The following KAT6A variants were observed in gnomAD, a reference collection of about 807,000 sequenced individuals.
KAT6A encodes histone acetyltransferase KAT6A.
A neutral mutation model predicts 198.4 loss-of-function variants in KAT6A; 9 were observed. The ratio of observed to expected loss-of-function variants is 0.05; its 90% CI spans 0.03 to 0.08. KAT6A has a LOEUF of 0.08. KAT6A is among the 10% of genes least tolerant of loss of function. KAT6A has a pLI of 1.00. For missense variants in KAT6A, 2,077 were observed against 2,509.9 expected (o/e 0.83, Z 3.69); for synonymous variants, 890 against 883.0 (o/e 1.01, Z -0.14).
rs1471098185 is a variant in KAT6A at position 42,048,572 on chromosome 8, C to T, written c.406G>A (p.Gly136Arg). ...KGQKDVSALF[G>R]GSAASGFHQQ... ...TGAAAGCCAGAGGCAGCACTGCCTC[C>T]GAATAATGCAGACACATCCTTCTGA... The change falls in exon 2 of 17, where the codon GGA becomes AGA. Residue 136 changes from glycine (G) to arginine (R), a missense_variant. Physicochemically the swap from Gly to Arg is moderately radical, Grantham distance 125. Coordinates refer to ENST00000265713, the MANE Select transcript of KAT6A (RefSeq NM_006766.5). 3.1e-6 allele frequency: 5 copies of T among 1,614,122 alleles called. No homozygotes were observed. Among genetic ancestry groups the T allele is most frequent in the South Asian group, 2.2e-5 (2 of 91,080 alleles).
In KAT6A at chr8:41,937,354, A is replaced by T; in HGVS notation, c.3254T>A (p.Phe1085Tyr). The T allele has an allele frequency of 1.2e-6, 2 of 1,614,042 alleles. No individual in the cohort carries two copies. The highest frequency in any genetic ancestry group is 1.7e-6 in the Non-Finnish European group (2 of 1,179,898). The change falls in exon 16 of 17, where the codon TTC (phenylalanine) becomes TAC (tyrosine). Residue 1085 changes from phenylalanine to tyrosine, a missense_variant. Phe to Tyr is a conservative substitution (Grantham distance 22). This residue lies in a region of KAT6A where 375 missense variants were observed against 383.0 expected (regional missense o/e 0.98). Coordinates refer to ENST00000265713, the MANE Select transcript of KAT6A (RefSeq NM_006766.5). ...TACATCCTGCGAAGACAAACGACGG[A>T]AGTATTCTCTAGGGAAAAGTTCATT... ...DENELFPREYFRRLSSQDVLR... is the reference protein window; with the variant it reads ...DENELFPREYYRRLSSQDVLR...
Position 41,942,974 on chromosome 8 carries a change from A to T in KAT6A, c.2255T>A (p.Leu752His). The T allele has an allele frequency of 6.2e-7, 1 of 1,614,192 alleles. No homozygotes were observed. The highest frequency in any genetic ancestry group is 8.5e-7 in the Non-Finnish European group (1 of 1,180,030). Residue 752 changes from leucine (L) to histidine (H), a missense_variant, in exon 14 of 17, where the codon CTT becomes CAT. Physicochemically the swap from Leu to His is moderately conservative, Grantham distance 99 (BLOSUM62 -3). Transcript: ENST00000265713. ...DQFVIIRREKLIQDHMAKLQL... is the reference protein window; with the variant it reads ...DQFVIIRREKHIQDHMAKLQL... ...AAGCTTTGCCATGTGATCCTGGATA[A>T]GTTTTTCCCGGCGGATAATCACAAA... is the stretch of plus-strand genomic sequence containing the variant.
chr8:41,979,592 A>C (rs1824245335), intron 5 of KAT6A, among the ~76,000 whole-genome samples: 1 of 152,148 alleles, frequency 6.6e-6, no homozygotes, highest in Admixed American at 6.5e-5. Flanking sequence ...CCAAAAAAAA[A>C]ACCTTTCTTA....
chr8:41,968,779 A>C (rs1277836785), intron 8 of KAT6A, among the ~76,000 whole-genome samples: 1 of 152,070 alleles, frequency 6.6e-6, no homozygotes, highest in Non-Finnish European at 1.5e-5. Context: ...TATACTACTA[A>C]TTTTTTTATG....
In KAT6A at chr8:41,934,761, G is replaced by C. The variant is rs1361218510; in HGVS notation, c.3459C>G (p.Pro1153=). The change falls in exon 17 of 17, where the codon CCC becomes CCG. Residue 1153 remains proline, a synonymous_variant. Transcript: ENST00000265713. ...STPLKKKKGW[P]KGKSRKPIHW... ...GGATTGGTTTGCGGCTCTTGCCTTT[G>C]GGCCATCCCTTTTTCTTTTTCAAAG... The C allele has an allele frequency of 6.2e-7, 1 of 1,613,846 alleles. No homozygotes were observed. The highest frequency in any genetic ancestry group is 1.3e-5 in the African/African-American group (1 of 74,840).
chr8:41,996,237 A>C (rs1028537615), intron 2 of KAT6A, among the ~76,000 whole-genome samples: 1 of 152,218 alleles, frequency 6.6e-6, no homozygotes, highest in Non-Finnish European at 1.5e-5. Context: ...ACTCAAACTC[A>C]TAACTTTGGA....
intron 8 of KAT6A, among the ~76,000 whole-genome samples, chr8:41,961,555 C>T (rs1056143157): frequency 6.6e-6 from 1 of 152,022 alleles, no homozygotes; most frequent in African/African-American, 2.4e-5. Flanking sequence ...GAGATCGAGA[C>T]CATCCTGGCC....
rs11329714 is a variant in KAT6A, at chr8:42,031,617, C to CTTT, written c.600+16758_600+16760dup. Among the ~76,000 whole-genome samples, 19 of 65,102 alleles carry CTTT rather than the reference C, an allele frequency of 2.9e-4. 1 individual carries two copies. The highest frequency in any genetic ancestry group is 2.9e-4 in the Non-Finnish European group (11 of 37,994). 42.7% of individuals were successfully genotyped at this position (65,102 alleles called of 152,430 possible). On this transcript the variant is annotated intron_variant, in intron 2 of 16. Coordinates refer to ENST00000265713, the MANE Select transcript of KAT6A (RefSeq NM_006766.5). Reference sequence around the variant, plus strand: ...GAAATAAATATTGAAGGAGCATTCACTTTTTTTTTTTTTTTTTTTTTTTTT... The same window carrying CTTT: ...GAAATAAATATTGAAGGAGCATTCACTTTTTTTTTTTTTTTTTTTTTTTTTTTT...
chr8:42,035,273 C>T (rs1186928224), intron 2 of KAT6A, among the ~76,000 whole-genome samples: 2 of 152,120 alleles, frequency 1.3e-5, no homozygotes, highest in Non-Finnish European at 2.9e-5. Flanking sequence ...ATGGCTCTTA[C>T]CACTGTAAGA....
chr8:42,041,277 A>G (rs1326270700), intron 2 of KAT6A, among the ~76,000 whole-genome samples: 3 of 152,200 alleles, frequency 2.0e-5, no homozygotes, highest in African/African-American at 7.2e-5. Flanking sequence ...TTATTTTTAA[A>G]TTTCTGAATT....
At chr8:42,010,599 G>A (rs967353106) in intron 2 of KAT6A, among the ~76,000 whole-genome samples, 7 of 152,164 alleles carry the variant, frequency 4.6e-5, no homozygotes, top group African/African-American at 1.7e-4. Flanking sequence ...GCGCCCTACT[G>A]TGCAACAAGT....
At chr8:41,952,047 C>A (rs1464323274) in intron 9 of KAT6A, among the ~76,000 whole-genome samples, 1 of 152,176 alleles carries the variant, frequency 6.6e-6, no homozygotes, top group Non-Finnish European at 1.5e-5. Context: ...CAGAATTACA[C>A]CAGAGATGCT....
At chr8:41,994,971 G>A (rs1186900923) in intron 2 of KAT6A, among the ~76,000 whole-genome samples, 3 of 151,942 alleles carry the variant, frequency 2.0e-5, no homozygotes, top group Admixed American at 1.3e-4. Flanking sequence ...CAGGAGAATC[G>A]CTTGGACCCA....
chr8:42,050,178 A>G (rs1802533898), intron 1 of KAT6A, among the ~76,000 whole-genome samples: 1 of 152,240 alleles, frequency 6.6e-6, no homozygotes, highest in Non-Finnish European at 1.5e-5. Flanking sequence ...TTGTAGGACT[A>G]AAGAGAAGCC....
intron 6 of KAT6A, chr8:41,977,607 G>C: frequency 3.5e-6 from 1 of 282,896 alleles, no homozygotes; most frequent in South Asian, 9.9e-5. Context: ...TGTACGACTT[G>C]GACAAATCAC....
intron 12 of KAT6A, among the ~76,000 whole-genome samples, chr8:41,944,242 G>GT (rs1450671555): frequency 6.6e-6 from 1 of 152,154 alleles, no homozygotes; most frequent in Non-Finnish European, 1.5e-5. Context: ...TATTCGAAGT[G>GT]TTAAAAATCA....
At chr8:41,960,695 A>C (rs957306448) in intron 8 of KAT6A, among the ~76,000 whole-genome samples, 14 of 151,908 alleles carry the variant, frequency 9.2e-5, no homozygotes, top group African/African-American at 3.4e-4. Context: ...TCCTTTGCTA[A>C]TTCTTTTACC....
intron 8 of KAT6A, among the ~76,000 whole-genome samples, chr8:41,963,000 C>A (rs1823287545): frequency 6.6e-6 from 1 of 152,098 alleles, no homozygotes; most frequent in East Asian, 1.9e-4. Context: ...ATACTGCATA[C>A]ATTAATCCTC....
At position 41,937,261 on chromosome 8, in the gene KAT6A, G is replaced by C. The variant is rs1166906954; in HGVS notation, c.3347C>G (p.Ala1116Gly). The change falls in exon 16 of 17, where the codon GCT (alanine) becomes GGT (glycine). Residue 1116 changes from alanine to glycine, a missense_variant. Transcript: ENST00000265713. ...GTGAGTTCTGTAAAACATACCATCA[G>C]CATCATCTGACTCTTCATCTTCTTC... ...DEEEDEESDD[A>G]DDTPILKPVS... 1.9e-6 allele frequency: 3 copies of C among 1,611,406 alleles called. No individual in the cohort carries two copies. The highest frequency in any genetic ancestry group is 2.5e-6 in the Non-Finnish European group (3 of 1,178,194).
Sources: gnomAD v4.1 joint callset for allele counts (sites outside exome capture counted in the v4.1 genomes callset) on GRCh38, gnomAD v4.1.1 for gene constraint, gnomAD v4.1.1 regional missense constraint, MANE v1.5 for transcripts, NCBI Gene and HGNC (gene_info 2026-07-23, HGNC 2026-07-21) for gene names.